Variants in HEATR1 observed in about 807,000 individuals in gnomAD.
The protein encoded by HEATR1 is HEAT repeat containing 1.
In HEATR1, 77 loss-of-function variants were observed where a neutral mutation model predicts 248.2. The ratio of observed to expected loss-of-function variants is 0.31; its 90% CI spans 0.26 to 0.37. HEATR1 has a LOEUF of 0.37. HEATR1 is among the 10% of genes least tolerant of loss of function. The pLI, the probability that HEATR1 is intolerant of heterozygous loss-of-function variation, is 1.00. For synonymous variants in HEATR1, 897 were observed against 923.1 expected (o/e 0.97, Z 0.51); for missense variants, 2,420 against 2,504.9 (o/e 0.97, Z 0.72).
intron 12 of HEATR1, among the ~76,000 whole-genome samples, chr1:236,589,035 A>G (rs1014541776): frequency 6.6e-6 from 1 of 152,250 alleles, no homozygotes; most frequent in African/African-American, 2.4e-5. Flanking sequence ...TGGAGAAAAG[A>G]AAATGAAACA....
In HEATR1 at chr1:236,550,973, C is replaced by G. The variant is rs1662705337; in HGVS notation, c.6364G>C (p.Glu2122Gln). 1 of 1,318,600 alleles carries G rather than the reference C, an allele frequency of 7.6e-7. No individual in the cohort carries two copies. Among genetic ancestry groups the G allele is most frequent in the African/African-American group, 1.5e-5 (1 of 67,738 alleles). The allele number at this position is 1,318,600 out of a possible 1,614,324, so 81.7% of individuals were successfully genotyped here. The change falls in exon 45 of 45, where the codon GAA becomes CAA. Residue 2122 changes from glutamate to glutamine, a missense_variant. Coordinates refer to ENST00000366582, the MANE Select transcript of HEATR1 (RefSeq NM_018072.6). ...TGAATAGTCTTTTGGCACTGATGTT[C>G]TACTTCTTCACATTCATCTAAAAAA... ...ELMEDECEEV[E>Q]HQCQKTIQQL...
At position 236,587,496 on chromosome 1, in the gene HEATR1, G is replaced by C; in HGVS notation, c.1627-6C>G. ...CTGAAGTGTTCTTTGAAAATCTAAAGGGAAAAAAATATCCAGAGTAGATTT... is the reference window on the plus strand; with the variant it reads ...CTGAAGTGTTCTTTGAAAATCTAAACGGAAAAAAATATCCAGAGTAGATTT... On this transcript the variant is annotated splice_region_variant and splice_polypyrimidine_tract_variant and intron_variant, in intron 13 of 44. Transcript: ENST00000366582. The C allele has an allele frequency of 4.2e-6, 6 of 1,436,686 alleles. No individual in the cohort carries two copies. Among genetic ancestry groups the C allele is most frequent in the Non-Finnish European group, 5.6e-6 (6 of 1,064,352 alleles). The allele number at this position is 1,436,686 out of a possible 1,614,324, so 89.0% of individuals were successfully genotyped here. A position where few individuals can be genotyped will look rare whatever the true frequency, so the allele number is the denominator to read the frequency against.
rs150874819 is a variant in HEATR1 at position 236,585,093 on chromosome 1, A to G, written c.2173T>C (p.Phe725Leu). Residue 725 changes from phenylalanine (F) to leucine (L), a missense_variant, in exon 17 of 45, where the codon TTT becomes CTT. Physicochemically the swap from Phe to Leu is conservative, Grantham distance 22 (BLOSUM62 0). Coordinates refer to ENST00000366582, the MANE Select transcript of HEATR1 (RefSeq NM_018072.6). Reference sequence around the variant, plus strand: ...AACAAACTGAAGACTCTTATCGCAAATGGAAAGTGGGTTTCTTTTAAAGAT... The same window carrying G: ...AACAAACTGAAGACTCTTATCGCAAGTGGAAAGTGGGTTTCTTTTAAAGAT... ...CSSLKETHFP[F>L]AIRVFSLLQK... The G allele has an allele frequency of 1.9e-4, 308 of 1,613,954 alleles. No individual in the cohort carries two copies. Among genetic ancestry groups the G allele is most frequent in the Admixed American group, 2.8e-4 (17 of 60,002 alleles).
chr1:236,563,473 C>T (rs1663189618), intron 32 of HEATR1, among the ~76,000 whole-genome samples: 1 of 151,830 alleles, frequency 6.6e-6, no homozygotes, highest in South Asian at 2.1e-4. Flanking sequence ...TAGTAGAGAC[C>T]ATGTTAGCCA....
At chr1:236,596,065 A>T (rs779107642) in intron 6 of HEATR1, 21 bp from the exon 7 acceptor site, 2 of 1,520,190 alleles carry the variant, frequency 1.3e-6, no homozygotes, top group Non-Finnish European at 1.8e-6. Flanking sequence ...TTTAAATATA[A>T]GGAAAAATGA....
chr1:236,576,469 G>A, intron 21 of HEATR1, 92 bp from the exon 22 acceptor site: 1 of 933,828 alleles, frequency 1.1e-6, no homozygotes, highest in Non-Finnish European at 1.6e-6. Flanking sequence ...CCCAAATGAT[G>A]TGACATTGTT....
At chr1:236,604,178 T>C in intron 1 of HEATR1, 51 bp from the exon 2 acceptor site, 1 of 1,440,456 alleles carries the variant, frequency 6.9e-7, no homozygotes, top group South Asian at 1.4e-5. Flanking sequence ...ATAAGGCGCC[T>C]CGTAAACAAA....
rs75511846 is a variant in HEATR1 at position 236,571,429 on chromosome 1, C to T, written c.3870G>A (p.Gln1290=). The T allele has an allele frequency of 1.1e-3, 1,799 of 1,613,594 alleles. 15 individuals carry two copies. In the African/African-American group the frequency reaches 0.022, roughly 20 times the overall value. ...EEKFNVELIV[Q]CIRLSEMPQT... ...GCGGCATCTCCGAAAGGCGGATGCA[C>T]TGAACTATCAACTCCACGTTGAACT... The change falls in exon 28 of 45, where the codon CAG becomes CAA. Residue 1290 remains glutamine (Q), a synonymous_variant. Coordinates refer to ENST00000366582, the MANE Select transcript of HEATR1 (RefSeq NM_018072.6).
At position 236,552,092 on chromosome 1, in the gene HEATR1, A is replaced by C; in HGVS notation, c.6253T>G (p.Leu2085Val). The part of the protein sequence containing the change: ...DSSPKVRFAA[L>V]ITVLALAEKL... ...TCAGCCAGTGCTAACACAGTAATCA[A>C]AGCAGCAAATCGAACCTGAAAGGGA... is the stretch of plus-strand genomic sequence containing the variant. Residue 2085 changes from leucine (L) to valine (V), a missense_variant, in exon 44 of 45, where the codon TTG becomes GTG. Leu to Val is a conservative substitution (Grantham distance 32). Coordinates refer to ENST00000366582, the MANE Select transcript of HEATR1 (RefSeq NM_018072.6). 1 of 1,611,868 alleles carries C rather than the reference A, an allele frequency of 6.2e-7. No homozygotes were observed. Among genetic ancestry groups the C allele is most frequent in the Middle Eastern group, 1.7e-4 (1 of 6,056 alleles).
chr1:236,565,491 C>T (rs114990200), intron 31 of HEATR1, among the ~76,000 whole-genome samples: 4,628 of 152,186 alleles, frequency 0.03, 76 homozygotes, highest in Middle Eastern at 0.054. Context: ...AGTGGTGCTG[C>T]GGTTCGTGGG....
At chr1:236,583,254 T>C (rs1008307922) in intron 17 of HEATR1, 58 bp from the exon 18 acceptor site, 2 of 1,425,430 alleles carry the variant, frequency 1.4e-6, no homozygotes, top group South Asian at 1.4e-5. Flanking sequence ...ACATGGGTTA[T>C]ATGAATTCCT....
rs112017904 is a variant in HEATR1, at chr1:236,596,822, T to A, written c.744+14A>T. The A allele has an allele frequency of 1.9e-6, 3 of 1,601,932 alleles. No individual in the cohort carries two copies. The highest frequency in any genetic ancestry group is 1.1e-5 in the South Asian group (1 of 88,738). ...AGTACAAAATAATCTACTTAACACA[T>A]CAGCAGTGCCAACCTTTTGGATATA... On this transcript the variant is annotated intron_variant, in intron 6 of 44. Coordinates refer to ENST00000366582, the MANE Select transcript of HEATR1 (RefSeq NM_018072.6).
intron 32 of HEATR1, among the ~76,000 whole-genome samples, chr1:236,563,063 AT>A (rs1482755591): frequency 2.0e-5 from 3 of 152,148 alleles, no homozygotes; most frequent in Non-Finnish European, 2.9e-5. Flanking sequence ...ATTAGTTCTA[AT>A]TGCTGATTCT....
chr1:236,602,769 C>T lies in HEATR1; in HGVS notation c.359+391G>A, dbSNP rs374464561. ...GTGAAACTCCATCTCTACAAAAACA[C>T]AAAACTCATCCAGGCATTATGGCAG... On this transcript the variant is annotated intron_variant, in intron 3 of 44. Transcript: ENST00000366582. 3 of 177,602 alleles carry T rather than the reference C, an allele frequency of 1.7e-5. No individual in the cohort carries two copies. The East Asian group carries it at 4.4e-4, about 26-fold the overall frequency. 11.0% of individuals were successfully genotyped at this position (177,602 alleles called of 1,614,324 possible). A position where few individuals can be genotyped will look rare whatever the true frequency, so the allele number is the denominator to read the frequency against.
chr1:236,593,287 C>T (rs1287063201), intron 9 of HEATR1, among the ~76,000 whole-genome samples: 2 of 151,586 alleles, frequency 1.3e-5, no homozygotes, highest in African/African-American at 4.9e-5. Context: ...GTAAGCCCTT[C>T]TGTGCCACAG....
At position 236,558,328 on chromosome 1, in the gene HEATR1, T is replaced by G. The variant is rs767718178; in HGVS notation, c.5113A>C (p.Lys1705Gln). 1 of 1,614,158 alleles carries G rather than the reference T, an allele frequency of 6.2e-7. No individual in the cohort carries two copies. The highest frequency in any genetic ancestry group is 8.5e-7 in the Non-Finnish European group (1 of 1,180,016). Residue 1705 changes from lysine to glutamine, a missense_variant, in exon 36 of 45, where the codon AAG (lysine) becomes CAG (glutamine). Physicochemically the swap from Lys to Gln is moderately conservative, Grantham distance 53. Transcript: ENST00000366582. ...CTTCCCAGGACATTCTTCTCCTCCT[T>G]TCTCTCTGGAGCAATCAGTTTCACA... is the stretch of plus-strand genomic sequence containing the variant. ...TAVKLIAPERKEEKNVLGSAL... is the reference protein window; with the variant it reads ...TAVKLIAPERQEEKNVLGSAL...
In HEATR1 at chr1:236,564,757, C is replaced by T. The variant is rs574873029; in HGVS notation, c.4436-96G>A. ...AACCTTTCAAGTAAAGGACAATTAA[C>T]GGGATAACATTTTCCCAGAGAAATG... On this transcript the variant is annotated intron_variant, in intron 31 of 44. Coordinates refer to ENST00000366582, the MANE Select transcript of HEATR1 (RefSeq NM_018072.6). The T allele has an allele frequency of 1.8e-4, 209 of 1,150,410 alleles. No homozygotes were observed. In the African/African-American group the frequency reaches 2.4e-3, roughly 13 times the overall value. 71.3% of individuals were successfully genotyped at this position (1,150,410 alleles called of 1,614,324 possible).
Position 236,571,413 on chromosome 1 carries a change from C to T in HEATR1, c.3886G>A (p.Glu1296Lys). ...ELIVQCIRLS[E>K]MPQTHHHALL... ...GCATGGTGATGGGTCTGCGGCATCT[C>T]CGAAAGGCGGATGCACTGAACTATC... is the stretch of plus-strand genomic sequence containing the variant. The change falls in exon 28 of 45, where the codon GAG becomes AAG. Residue 1296 changes from glutamate (E) to lysine (K), a missense_variant. Physicochemically the swap from Glu to Lys is moderately conservative, Grantham distance 56 (BLOSUM62 1). Transcript: ENST00000366582. The T allele has an allele frequency of 6.2e-7, 1 of 1,613,388 alleles. No homozygotes were observed. Among genetic ancestry groups the T allele is most frequent in the Admixed American group, 1.7e-5 (1 of 59,732 alleles).
In HEATR1 at chr1:236,572,561, A is replaced by G. The variant is rs1305178540; in HGVS notation, c.3564-7T>C. ...TTCTAGATCTTGTGATTTTCTGGAA[A>G]ATGGAGAAGACAAAACGTTGGAAAA... On this transcript the variant is annotated splice_region_variant and splice_polypyrimidine_tract_variant and intron_variant, in intron 25 of 44. Coordinates refer to ENST00000366582, the MANE Select transcript of HEATR1 (RefSeq NM_018072.6). The G allele has an allele frequency of 1.2e-6, 2 of 1,613,494 alleles. No homozygotes were observed. The highest frequency in any genetic ancestry group is 4.5e-5 in the East Asian group (2 of 44,878).
Sources: allele counts gnomAD v4.1 joint callset (sites outside exome capture counted in the v4.1 genomes callset), GRCh38; gene constraint gnomAD v4.1.1; transcripts MANE v1.5; gene names NCBI Gene and HGNC (gene_info 2026-07-23, HGNC 2026-07-21).